VPS13D: variants seen among roughly 807,000 people sequenced by gnomAD.
VPS13D encodes intermembrane lipid transfer protein VPS13D.
Under a neutral mutation model 461.9 loss-of-function variants are expected in VPS13D, and 187 were observed. The ratio of observed to expected loss-of-function variants is 0.40; its 90% CI spans 0.36 to 0.46. The LOEUF is 0.46. Ranked by LOEUF, VPS13D falls within the 20% of genes least tolerant of loss-of-function variation. The pLI, the probability that VPS13D is intolerant of heterozygous loss-of-function variation, is 0.60. For missense variants in VPS13D, 4,711 were observed against 5,364.9 expected (o/e 0.88, Z 3.81); for synonymous variants, 1,951 against 1,986.3 (o/e 0.98, Z 0.47).
chr1:12,353,153 C>T (rs1331112306), intron 46 of VPS13D, among the ~76,000 whole-genome samples: 1 of 151,830 alleles, frequency 6.6e-6, no homozygotes, highest in Non-Finnish European at 1.5e-5. Flanking sequence ...TTATTCATAA[C>T]CATGGCATAC....
intron 2 of VPS13D, 54 bp downstream of exon 2, chr1:12,234,417 T>C: frequency 6.7e-7 from 1 of 1,489,318 alleles, no homozygotes; most frequent in South Asian, 1.2e-5. Context: ...TCTATTTTTG[T>C]ATTTTTTTTG....
At chr1:12,288,077 A>G (rs866245259) in intron 21 of VPS13D, 146 bp from the exon 22 acceptor site, 6 of 655,444 alleles carry the variant, frequency 9.2e-6, no homozygotes, top group Middle Eastern at 5.1e-4. Context: ...GGCTTAAGAA[A>G]GCTGAAGTGA....
chr1:12,312,844 C>G (rs1642792364), intron 29 of VPS13D, among the ~76,000 whole-genome samples: 1 of 152,172 alleles, frequency 6.6e-6, no homozygotes, highest in Non-Finnish European at 1.5e-5. Flanking sequence ...AATACTAGGT[C>G]CATGTTCTCA....
chr1:12,342,129 A>G (rs919949723), intron 41 of VPS13D, among the ~76,000 whole-genome samples: 1 of 152,186 alleles, frequency 6.6e-6, no homozygotes, highest in African/African-American at 2.4e-5. Context: ...AAAGCCAAGC[A>G]AATTAAGGAT....
intron 59 of VPS13D, 72 bp downstream of exon 59, chr1:12,385,445 G>A: frequency 7.8e-7 from 1 of 1,275,676 alleles, no homozygotes; most frequent in Non-Finnish European, 1.1e-6. Flanking sequence ...TGGTATTTTA[G>A]ACCTTCTGTT....
intron 63 of VPS13D, among the ~76,000 whole-genome samples, chr1:12,410,057 ACTT>A (rs1557762949): frequency 1.3e-5 from 2 of 152,214 alleles, no homozygotes; most frequent in African/African-American, 4.8e-5. Context: ...CAAAACTTAG[ACTT>A]CATTGCTACT....
Position 12,279,715 on chromosome 1 carries a change from A to G in VPS13D, c.4602+65A>G. On this transcript the variant is annotated intron_variant, in intron 20 of 69. Coordinates refer to ENST00000620676, the MANE Select transcript of VPS13D (RefSeq NM_015378.4). The surrounding 1 kb of genome is among the most constrained non-coding windows in gnomAD (Gnocchi z 4.3). ...TTAGTACTCTATAAATATGATATAT[A>G]TTTATGTATATTACATGTTGGAAGG... 7.7e-7 allele frequency: 1 copy of G among 1,292,866 alleles called. No homozygotes were observed. Among genetic ancestry groups the G allele is most frequent in the Non-Finnish European group, 1.0e-6 (1 of 967,816 alleles). The allele number at this position is 1,292,866 out of a possible 1,614,324, so 80.1% of individuals were successfully genotyped here. A position where few individuals can be genotyped will look rare whatever the true frequency, so the allele number is the denominator to read the frequency against.
chr1:12,409,860 G>A (rs548217259), intron 63 of VPS13D: 140 of 456,216 alleles, frequency 3.1e-4, no homozygotes, highest in Admixed American at 2.2e-3. Context: ...GGACTGGAGA[G>A]TTCAAGATTT....
chr1:12,295,457 T>C (rs1642250311), intron 24 of VPS13D, among the ~76,000 whole-genome samples: 1 of 152,174 alleles, frequency 6.6e-6, no homozygotes, highest in Admixed American at 6.5e-5. Flanking sequence ...ACGAGTGCTG[T>C]CGGTTTCCTG....
At chr1:12,284,311 G>A (rs1641900106) in intron 21 of VPS13D, among the ~76,000 whole-genome samples, 1 of 152,204 alleles carries the variant, frequency 6.6e-6, no homozygotes, top group African/African-American at 2.4e-5. Context: ...GTAAACTGAG[G>A]ATGTTCAGTG....
intron 1 of VPS13D, among the ~76,000 whole-genome samples, chr1:12,231,840 T>C (rs1265019272): frequency 2.0e-5 from 3 of 152,102 alleles, no homozygotes; most frequent in African/African-American, 4.8e-5. Context: ...ATACAAAACT[T>C]AGCCGGGGAT....
At position 12,252,104 on chromosome 1, in the gene VPS13D, A is replaced by G. The variant is rs867318289; in HGVS notation, c.565-1618A>G. Among the ~76,000 whole-genome samples the G allele has an allele frequency of 9.9e-5, 15 of 152,218 alleles. No homozygotes were observed. The Middle Eastern group carries it at 0.014, about 138-fold the overall frequency. ...TGTCCTTTTTCTTCTTGTAAGGACA[A>G]TACTCGTTAGATTAGGGCCTCCACT... On this transcript the variant is annotated intron_variant, in intron 6 of 69. Coordinates refer to ENST00000620676, the MANE Select transcript of VPS13D (RefSeq NM_015378.4).
chr1:12,486,168 T>A (rs1645794328), intron 67 of VPS13D, among the ~76,000 whole-genome samples: 1 of 152,230 alleles, frequency 6.6e-6, no homozygotes, highest in Non-Finnish European at 1.5e-5. Flanking sequence ...AGGTACCATC[T>A]CTTGCTTCTA....
rs777025400 is a variant in VPS13D, at chr1:12,358,563, T to C, written c.10103T>C (p.Ile3368Thr). Residue 3368 changes from isoleucine to threonine, a missense_variant, in exon 50 of 70, where the codon ATC (isoleucine) becomes ACC (threonine). Ile to Thr is a moderately conservative substitution (Grantham distance 89). This residue lies in a region of VPS13D where 4,411 missense variants were observed against 4,937.8 expected (regional missense o/e 0.89). Transcript: ENST00000620676. Reference protein sequence around the residue: ...GGSGVRALKVIQQGNRPGLIY... With the variant: ...GGSGVRALKVTQQGNRPGLIY... Reference sequence around the variant, plus strand: ...AGTGGTGTCCGAGCTTTGAAAGTCATCCAGCAAGGAAACCGCCCAGGGCTG... The same window carrying C: ...AGTGGTGTCCGAGCTTTGAAAGTCACCCAGCAAGGAAACCGCCCAGGGCTG... 7 of 1,614,040 alleles carry C rather than the reference T, an allele frequency of 4.3e-6. No individual in the cohort carries two copies. The African/African-American group carries it at 9.3e-5, about 22-fold the overall frequency.
intron 47 of VPS13D, 121 bp downstream of exon 47, chr1:12,354,342 C>A: frequency 7.9e-7 from 1 of 1,270,896 alleles, no homozygotes. Flanking sequence ...TCTCAATAAG[C>A]CAGCTCAAAG....
chr1:12,430,014 TA>T (rs1471162310), intron 65 of VPS13D, among the ~76,000 whole-genome samples: 6 of 152,234 alleles, frequency 3.9e-5, no homozygotes, highest in African/African-American at 1.4e-4. Context: ...TTGGAAACCT[TA>T]ATTGTTTTCA....
chr1:12,317,699 C>T (rs931068066), intron 30 of VPS13D, among the ~76,000 whole-genome samples: 7 of 151,854 alleles, frequency 4.6e-5, no homozygotes, highest in Admixed American at 2.6e-4. Flanking sequence ...GAGCTGTGAT[C>T]GTGCCACTGC....
intron 67 of VPS13D, among the ~76,000 whole-genome samples, chr1:12,487,624 A>G (rs200673252): frequency 2.0e-5 from 3 of 150,774 alleles, no homozygotes; most frequent in African/African-American, 4.9e-5. Context: ...AAAAAAAAAA[A>G]AGCAAACAAA....
At chr1:12,330,754 G>T (rs1355682904) in intron 37 of VPS13D, among the ~76,000 whole-genome samples, 3 of 151,834 alleles carry the variant, frequency 2.0e-5, no homozygotes, top group African/African-American at 7.3e-5. Flanking sequence ...TTTTAGTAGA[G>T]ATGGGGTTTC....
Sources: allele counts gnomAD v4.1 joint callset (sites outside exome capture counted in the v4.1 genomes callset), GRCh38; gene constraint gnomAD v4.1.1; regional missense constraint gnomAD v4.1.1; non-coding constraint Gnocchi (gnomAD v3.1); transcripts MANE v1.5; gene names NCBI Gene and HGNC (gene_info 2026-07-23, HGNC 2026-07-21).